GRIN2B: variants seen among roughly 807,000 people sequenced by gnomAD.
The protein encoded by GRIN2B is glutamate ionotropic receptor NMDA type subunit 2B.
GRIN2B carries 5 observed loss-of-function variants against 114.5 expected under a neutral mutation model. The observed-to-expected ratio is 0.04, with a 90% CI of 0.02 to 0.09. GRIN2B has a LOEUF of 0.09. Among genes scored for constraint, GRIN2B ranks in the 10% least tolerant of loss-of-function variants. The pLI, the probability that GRIN2B is intolerant of heterozygous loss-of-function variation, is 1.00. For synonymous variants in GRIN2B, 787 were observed against 745.1 expected (o/e 1.06, Z -0.92); for missense variants, 1,108 against 1,943.5 (o/e 0.57, Z 8.08).
At chr12:13,795,856 C>A (rs141347520) in intron 3 of GRIN2B, among the ~76,000 whole-genome samples, 1 of 152,054 alleles carries the variant, frequency 6.6e-6, no homozygotes, top group African/African-American at 2.4e-5. Flanking sequence ...ATCACGTGTT[C>A]TAACTCATAG....
chr12:13,893,750 T>A (rs1866307606), intron 2 of GRIN2B, among the ~76,000 whole-genome samples: 1 of 151,956 alleles, frequency 6.6e-6, no homozygotes, highest in Non-Finnish European at 1.5e-5. Flanking sequence ...TTTTAAACAA[T>A]GATTTCGAAG....
At chr12:13,858,571 G>C (rs760368877) in intron 3 of GRIN2B, among the ~76,000 whole-genome samples, 15 of 152,048 alleles carry the variant, frequency 9.9e-5, no homozygotes, top group Non-Finnish European at 2.2e-4. Flanking sequence ...GTAAAAATTG[G>C]CTGGCAATAT....
At chr12:13,883,657 A>G (rs982314514) in intron 2 of GRIN2B, among the ~76,000 whole-genome samples, 16 of 151,804 alleles carry the variant, frequency 1.1e-4, no homozygotes, top group South Asian at 2.1e-4. Flanking sequence ...CTTGCTATTG[A>G]GTTGTGAGAG....
At chr12:13,906,283 C>T (rs562435026) in intron 2 of GRIN2B, among the ~76,000 whole-genome samples, 87 of 152,254 alleles carry the variant, frequency 5.7e-4, no homozygotes, top group East Asian at 3.3e-3. Flanking sequence ...TACAAGTAAA[C>T]CCATAAATCC....
chr12:13,767,857 A>G (rs990478713), intron 3 of GRIN2B, among the ~76,000 whole-genome samples: 4 of 152,230 alleles, frequency 2.6e-5, no homozygotes, highest in African/African-American at 9.6e-5. Context: ...ACTCCATAGT[A>G]TTAGTAACCT....
At chr12:13,618,812 AAC>A (rs1949479368) in intron 5 of GRIN2B, among the ~76,000 whole-genome samples, 1 of 152,240 alleles carries the variant, frequency 6.6e-6, no homozygotes, top group Non-Finnish European at 1.5e-5. Context: ...ATTAATCAGG[AAC>A]ACTTTGCAAC....
At chr12:13,571,671 A>G in intron 11 of GRIN2B, 133 bp downstream of exon 11, 5 of 945,388 alleles carry the variant, frequency 5.3e-6, no homozygotes, top group South Asian at 2.7e-5. Context: ...TTGGAAATCC[A>G]TAAAGAGCAA....
chr12:13,726,543 A>AAGAAATATATATATATATTTATATATT (rs1565514762), intron 4 of GRIN2B, among the ~76,000 whole-genome samples: 20 of 145,050 alleles, frequency 1.4e-4, no homozygotes, highest in Non-Finnish European at 2.4e-4. Flanking sequence ...AAAAAAAAGA[A>AAGAAATATATATATATATTTATATATT]AGAAATATAT....
At chr12:13,829,331 G>A (rs566748473) in intron 3 of GRIN2B, among the ~76,000 whole-genome samples, 9 of 152,104 alleles carry the variant, frequency 5.9e-5, no homozygotes, top group Non-Finnish European at 1.0e-4. Flanking sequence ...TATTTACTCC[G>A]GAATATCCAC....
At chr12:13,832,811 A>T (rs1343229040) in intron 3 of GRIN2B, among the ~76,000 whole-genome samples, 1 of 152,172 alleles carries the variant, frequency 6.6e-6, no homozygotes, top group Admixed American at 6.5e-5. Flanking sequence ...AATTTCTGTA[A>T]GTTGAATAGC....
At chr12:13,747,877 A>AT (rs1176121255) in intron 4 of GRIN2B, among the ~76,000 whole-genome samples, 2 of 152,100 alleles carry the variant, frequency 1.3e-5, no homozygotes, top group African/African-American at 4.8e-5. Context: ...TTCCTCATTT[A>AT]TTTTTTTAAC....
chr12:13,740,885 C>T (rs1368360720), intron 4 of GRIN2B, among the ~76,000 whole-genome samples: 1 of 152,088 alleles, frequency 6.6e-6, no homozygotes, highest in Non-Finnish European at 1.5e-5. Flanking sequence ...TAGAGATGGG[C>T]ACACTTCAGG....
At chr12:13,692,760 C>CTTTTTTT (rs71067718) in intron 4 of GRIN2B, among the ~76,000 whole-genome samples, 9 of 52,112 alleles carry the variant, frequency 1.7e-4, no homozygotes, top group African/African-American at 4.7e-4. Context: ...TCTTTCTTTT[C>CTTTTTTT]TTTTTTTTTT....
chr12:13,858,855 T>C (rs1016602281), intron 3 of GRIN2B, among the ~76,000 whole-genome samples: 3 of 152,232 alleles, frequency 2.0e-5, no homozygotes, highest in Non-Finnish European at 4.4e-5. Context: ...CAAGTCAATA[T>C]CAGTAATTGC....
intron 2 of GRIN2B, among the ~76,000 whole-genome samples, chr12:13,929,109 G>C (rs1866971637): frequency 6.6e-6 from 1 of 152,194 alleles, no homozygotes; most frequent in African/African-American, 2.4e-5. Flanking sequence ...AGTGTGTCTA[G>C]CACATAAGTC....
chr12:13,922,711 A>G (rs892304018), intron 2 of GRIN2B, among the ~76,000 whole-genome samples: 1 of 152,224 alleles, frequency 6.6e-6, no homozygotes, highest in African/African-American at 2.4e-5. Flanking sequence ...GATGAAGTGG[A>G]TATCTGTTGG....
intron 5 of GRIN2B, among the ~76,000 whole-genome samples, chr12:13,649,449 T>A (rs1460804965): frequency 6.6e-6 from 1 of 152,038 alleles, no homozygotes; most frequent in Admixed American, 6.6e-5. Context: ...AGGGAAAAAA[T>A]TAAATCATAG....
At chr12:13,605,071 C>CT (rs35062527) in intron 10 of GRIN2B, among the ~76,000 whole-genome samples, 12,553 of 142,936 alleles carry the variant, frequency 0.088, 554 homozygotes, top group African/African-American at 0.11. Context: ...CCCACAGACT[C>CT]TTTTTTTTTT....
At chr12:13,908,481 T>TG (rs1201089865) in intron 2 of GRIN2B, among the ~76,000 whole-genome samples, 1 of 151,426 alleles carries the variant, frequency 6.6e-6, no homozygotes, top group Non-Finnish European at 1.5e-5. Flanking sequence ...ATTAAAAGAG[T>TG]TTTTAAAAAT....
Sources: gnomAD v4.1 joint callset for allele counts (sites outside exome capture counted in the v4.1 genomes callset) on GRCh38, gnomAD v4.1.1 for gene constraint, MANE v1.5 for transcripts, NCBI Gene and HGNC (gene_info 2026-07-23, HGNC 2026-07-21) for gene names.